HUWE1: variants seen among roughly 807,000 people sequenced by gnomAD.
HUWE1 encodes E3 ubiquitin-protein ligase HUWE1.
Under a neutral mutation model 299.4 loss-of-function variants are expected in HUWE1, and 18 were observed. That is an observed-to-expected ratio of 0.06 (90% CI 0.04 to 0.09). The LOEUF (loss-of-function observed/expected upper bound fraction) is 0.09. Among genes scored for constraint, HUWE1 ranks in the 10% least tolerant of loss-of-function variants. The pLI is 1.00. For missense variants in HUWE1, 1,832 were observed against 3,462.3 expected (o/e 0.53, Z 11.82); for synonymous variants, 1,317 against 1,286.1 (o/e 1.02, Z -0.51).
chrX:53,649,457 T>C (rs909754772), intron 4 of HUWE1, among the ~76,000 whole-genome samples: 7 of 112,259 alleles, frequency 6.2e-5, no homozygotes, highest in East Asian at 2.8e-4. Context: ...GGGAGAAACG[T>C]ATTTTCGGCA....
rs782328030 is a variant in HUWE1 at position 53,568,672 on chromosome X, G to C, written c.6707+20C>G. The stretch of plus-strand genomic sequence containing the variant: ...GAGGCTGAAGAGAAGGAAAAGCCTG[G>C]GGCTGGGGCATGATTTTACCTGGAC... On this transcript the variant is annotated intron_variant, in intron 49 of 83. Transcript: ENST00000262854. 3 of 1,198,478 alleles carry C rather than the reference G, an allele frequency of 2.5e-6. No individual in the cohort carries two copies. The highest frequency in any genetic ancestry group is 3.4e-6 in the Non-Finnish European group (3 of 885,151).
chrX:53,559,655 T>TTTAAC, intron 56 of HUWE1, 123 bp from the exon 57 acceptor site: 1 of 612,955 alleles, frequency 1.6e-6, no homozygotes, highest in South Asian at 2.6e-5. Context: ...AACCTGATGA[T>TTTAAC]GTGCACACAA....
intron 81 of HUWE1, among the ~76,000 whole-genome samples, 184 bp downstream of exon 81, chrX:53,535,200 G>A (rs1283355223): frequency 8.9e-6 from 1 of 112,125 alleles, no homozygotes; most frequent in Admixed American, 9.4e-5. Flanking sequence ...CTCCCAAAGT[G>A]CTGGGATTAT....
chrX:53,681,430 T>TAAAA (rs782160350), intron 2 of HUWE1, among the ~76,000 whole-genome samples: 2 of 84,978 alleles, frequency 2.4e-5, no homozygotes, highest in East Asian at 7.1e-4. Context: ...GACTCCATCT[T>TAAAA]AAAAAAAAAA....
At chrX:53,554,968 G>A (rs1556933082) in intron 60 of HUWE1, 48 bp from the exon 61 acceptor site, 1 of 991,874 alleles carries the variant, frequency 1.0e-6, no homozygotes, top group Admixed American at 2.9e-5. Flanking sequence ...ACCAGCCAAT[G>A]ATGAGGGGAG....
In HUWE1 at chrX:53,549,520, T is replaced by C. The variant is rs1010647466; in HGVS notation, c.9489-15A>G. 5.1e-6 allele frequency: 6 copies of C among 1,187,181 alleles called. No homozygotes were observed. The Admixed American group carries it at 8.8e-5, about 17-fold the overall frequency. On this transcript the variant is annotated splice_polypyrimidine_tract_variant and intron_variant, in intron 66 of 83. Transcript: ENST00000262854. ...TGCCAGAAGGCCTGGAAACAGAACA[T>C]GGTTTTTGGGTAACACTTCAGTGGC...
chrX:53,554,825 A>C lies in HUWE1; in HGVS notation c.8302T>G (p.Ser2768Ala). 3 of 1,210,540 alleles carry C rather than the reference A, an allele frequency of 2.5e-6. No homozygotes were observed. The highest frequency in any genetic ancestry group is 3.4e-6 in the Non-Finnish European group (3 of 894,743). ...SKETLGTLQS[S>A]QQQPTLPTPP... is the part of the protein sequence containing the mutation. ...GTTGGGAGTGTTGGTTGCTGTTGTG[A>C]GGATTGCAGAGTGCCAAGGGTCTCC... Residue 2768 changes from serine to alanine, a missense_variant, in exon 61 of 84, where the codon TCA (serine) becomes GCA (alanine). Coordinates refer to ENST00000262854, the MANE Select transcript of HUWE1 (RefSeq NM_031407.7).
In HUWE1 at chrX:53,537,712, A is replaced by G; in HGVS notation, c.11997-16T>C. Reference sequence around the variant, plus strand: ...GCGGAAATATCTTGGGAGGTAGAAAAGGAAGGAAGATAGGATTAAGGGTGG... The same window carrying G: ...GCGGAAATATCTTGGGAGGTAGAAAGGGAAGGAAGATAGGATTAAGGGTGG... On this transcript the variant is annotated splice_polypyrimidine_tract_variant and intron_variant, in intron 77 of 83. Coordinates refer to ENST00000262854, the MANE Select transcript of HUWE1 (RefSeq NM_031407.7). 1 of 1,204,237 alleles carries G rather than the reference A, an allele frequency of 8.3e-7. No homozygotes were observed. The highest frequency in any genetic ancestry group is 1.1e-6 in the Non-Finnish European group (1 of 891,143).
chrX:53,683,883 C>A (rs2070329838), intron 2 of HUWE1: 1 of 126,651 alleles, frequency 7.9e-6, no homozygotes, highest in South Asian at 4.2e-4. Context: ...CCTCAGCCAC[C>A]GCCAACGAAT....
chrX:53,566,113 A>ATGTG (rs1192059818), intron 49 of HUWE1, among the ~76,000 whole-genome samples: 7,986 of 53,287 alleles, frequency 0.15, 898 homozygotes, highest in East Asian at 0.32. Context: ...GTATGTATGT[A>ATGTG]TGTATGTGTG....
At position 53,684,994 on chromosome X, in the gene HUWE1, G is replaced by A. The variant is rs782624175; in HGVS notation, c.-163+1276C>T. ...GAATATTCAAGCTTCGGGGATGGGGGGAAATGCCTGAAGCTTTTAATATGG... is the reference window on the plus strand; with the variant it reads ...GAATATTCAAGCTTCGGGGATGGGGAGAAATGCCTGAAGCTTTTAATATGG... On this transcript the variant is annotated intron_variant, in intron 2 of 83. Transcript: ENST00000262854. Among the ~76,000 whole-genome samples, 4 of 111,970 alleles carry A rather than the reference G, an allele frequency of 3.6e-5. No individual in the cohort carries two copies. The South Asian group carries it at 1.5e-3, about 41-fold the overall frequency.
At chrX:53,660,677 T>A (rs1415695339) in intron 3 of HUWE1, among the ~76,000 whole-genome samples, 1 of 111,876 alleles carries the variant, frequency 8.9e-6, no homozygotes, top group African/African-American at 3.3e-5. Context: ...GGAAATGTTA[T>A]AGACAGAATT....
chrX:53,593,774 C>T (rs782798162), intron 31 of HUWE1, among the ~76,000 whole-genome samples, 173 bp from the exon 32 acceptor site: 24 of 112,060 alleles, frequency 2.1e-4, no homozygotes, highest in African/African-American at 7.8e-4. Flanking sequence ...TCTTTTGTTC[C>T]GCCTCTCCTC....
At chrX:53,651,767 T>C (rs1201714662) in intron 4 of HUWE1, among the ~76,000 whole-genome samples, 3 of 111,221 alleles carry the variant, frequency 2.7e-5, no homozygotes, top group African/African-American at 9.8e-5. Flanking sequence ...TGGTATAATT[T>C]TATACCCACT....
At chrX:53,578,810 G>C (rs1367737138) in intron 43 of HUWE1, among the ~76,000 whole-genome samples, 1 of 84,429 alleles carries the variant, frequency 1.2e-5, no homozygotes, top group Non-Finnish European at 2.4e-5. Context: ...AGGTGGGGGG[G>C]GGTCAGCCCC....
intron 66 of HUWE1, 95 bp from the exon 67 acceptor site, chrX:53,549,600 C>T: frequency 3.9e-6 from 3 of 772,618 alleles, no homozygotes; most frequent in Non-Finnish European, 5.8e-6. Context: ...TAGGTATCTC[C>T]AAGGAGGCTT....
intron 81 of HUWE1, 34 bp from the exon 82 acceptor site, chrX:53,534,731 A>G (rs781860632): frequency 2.6e-6 from 3 of 1,166,723 alleles, no homozygotes; most frequent in Admixed American, 4.4e-5. Context: ...AATGACTTCT[A>G]AACTCACACA....
chrX:53,613,476 T>G (rs2065615752), intron 23 of HUWE1, among the ~76,000 whole-genome samples: 1 of 111,652 alleles, frequency 9.0e-6, no homozygotes, highest in South Asian at 3.8e-4. Context: ...AAAGACCACT[T>G]ATTATATGAG....
At chrX:53,673,831 A>G (rs1740478345) in intron 3 of HUWE1, among the ~76,000 whole-genome samples, 1 of 111,696 alleles carries the variant, frequency 9.0e-6, no homozygotes, top group South Asian at 3.7e-4. Context: ...ACTTCTCAGT[A>G]TATTTTTCAG....
Sources: gnomAD v4.1 joint callset for allele counts (sites outside exome capture counted in the v4.1 genomes callset) on GRCh38, gnomAD v4.1.1 for gene constraint, MANE v1.5 for transcripts, NCBI Gene and HGNC (gene_info 2026-07-23, HGNC 2026-07-21) for gene names.